MARK3: variants seen among roughly 807,000 people sequenced by gnomAD.
The protein encoded by MARK3 is MAP/microtubule affinity-regulating kinase 3.
A neutral mutation model predicts 90.1 loss-of-function variants in MARK3; 46 were observed. The observed-to-expected ratio is 0.51, with a 90% CI of 0.40 to 0.65. MARK3 has a LOEUF of 0.65. MARK3 is among the 30% of genes least tolerant of loss of function. The pLI, the probability that MARK3 is intolerant of heterozygous loss-of-function variation, is 0.00. For missense variants in MARK3, 818 were observed against 947.2 expected (o/e 0.86, Z 1.79); for synonymous variants, 321 against 332.6 (o/e 0.97, Z 0.38).
rs975191098 is a variant in MARK3 at position 103,457,031 on chromosome 14, T to C, written c.413-111T>C. The C allele has an allele frequency of 9.7e-6, 6 of 616,094 alleles. No homozygotes were observed. The Admixed American group carries it at 1.1e-4, about 12-fold the overall frequency. 38.2% of individuals were successfully genotyped at this position (616,094 alleles called of 1,614,324 possible). ...AAATTCCACATATTTCTGGCTAACT[T>C]TATATCTATATTTAAAAATTAGAGC... On this transcript the variant is annotated intron_variant, in intron 5 of 17. Transcript: ENST00000429436.
At chr14:103,461,759 G>C (rs1370717240) in intron 6 of MARK3, among the ~76,000 whole-genome samples, 1 of 152,084 alleles carries the variant, frequency 6.6e-6, no homozygotes, top group South Asian at 2.1e-4. Context: ...GCACCAGGCC[G>C]GGCGCAGTGG....
intron 3 of MARK3, among the ~76,000 whole-genome samples, chr14:103,431,982 C>G (rs530078689): frequency 0.016 from 2,392 of 151,066 alleles, 38 homozygotes; most frequent in South Asian, 0.045. Context: ...TGTTTCCCCC[C>G]TCCCACCTGA....
chr14:103,412,067 T>C (rs1015499554), intron 2 of MARK3: 1 of 484,776 alleles, frequency 2.1e-6, no homozygotes, highest in Non-Finnish European at 3.3e-6. Flanking sequence ...TTAGTTGGTT[T>C]TTTGTTTTTT....
In MARK3 at chr14:103,503,303, T is replaced by C. The variant is rs1444937307; in HGVS notation, c.*76T>C. 1.6e-6 allele frequency: 2 copies of C among 1,251,166 alleles called. No homozygotes were observed. The highest frequency in any genetic ancestry group is 2.2e-6 in the Non-Finnish European group (2 of 893,114). The allele number at this position is 1,251,166 out of a possible 1,614,324, so 77.5% of individuals were successfully genotyped here. A position where few individuals can be genotyped will look rare whatever the true frequency, so the allele number is the denominator to read the frequency against. On this transcript the variant is annotated 3_prime_UTR_variant, in exon 18 of 18. Coordinates refer to ENST00000429436, the MANE Select transcript of MARK3 (RefSeq NM_001128918.3). ...ACTGATGGAAATGTATAGAATAATA[T>C]TTAGGCAATAACGTCTGCATCTTCT...
intron 9 of MARK3, 66 bp downstream of exon 9, chr14:103,466,157 T>C (rs2093498405): frequency 6.4e-7 from 1 of 1,562,520 alleles, no homozygotes; most frequent in Non-Finnish European, 8.7e-7. Flanking sequence ...AGATCTTTGC[T>C]TGATTTGTAT....
intron 1 of MARK3, among the ~76,000 whole-genome samples, chr14:103,394,910 G>A (rs2090482763): frequency 1.3e-5 from 2 of 152,092 alleles, no homozygotes; most frequent in South Asian, 4.1e-4. Context: ...AGCCTCCCGA[G>A]TAGCTGGGAT....
chr14:103,445,673 T>G (rs1432301599), intron 3 of MARK3, among the ~76,000 whole-genome samples: 1 of 152,254 alleles, frequency 6.6e-6, no homozygotes, highest in Non-Finnish European at 1.5e-5. Context: ...AGTTATCCAC[T>G]GCTGCCTAAC....
chr14:103,407,554 C>CTTTTTTTTTTTTTT (rs71460673), intron 2 of MARK3, among the ~76,000 whole-genome samples: 1 of 71,664 alleles, frequency 1.4e-5, no homozygotes, highest in Non-Finnish European at 2.4e-5. Context: ...TGTTTTGCCT[C>CTTTTTTTTTTTTTT]TTTTTTTTTT....
chr14:103,481,723 G>C (rs1171709693), intron 14 of MARK3, among the ~76,000 whole-genome samples: 2 of 140,482 alleles, frequency 1.4e-5, no homozygotes, highest in Non-Finnish European at 3.1e-5. Context: ...AGCTGGGGTA[G>C]ATAGTTTACA....
rs769167522 is a variant in MARK3, at chr14:103,502,981, C to T, written c.2016C>T (p.Pro672=). 5.0e-6 allele frequency: 8 copies of T among 1,614,092 alleles called. No homozygotes were observed. Among genetic ancestry groups the T allele is most frequent in the African/African-American group, 4.0e-5 (3 of 74,932 alleles). The change falls in exon 18 of 18, where the codon CCC becomes CCT. Residue 672 remains proline (P), a synonymous_variant. Transcript: ENST00000429436. ...WSMKTTSSMD[P]GDMMREIRKV... is the part of the protein sequence containing the mutation. ...TGAAAACCACTAGTTCAATGGATCC[C>T]GGGGACATGATGCGGGAAATCCGCA...
In MARK3 at chr14:103,401,511, A is replaced by G. The variant is rs143651423; in HGVS notation, c.52-3565A>G. Reference sequence around the variant, plus strand: ...ATTGGCTCCGTGGAAACTGATCTCCATGTCCAGGCCAGTTTGGTCTTGTGG... The same window carrying G: ...ATTGGCTCCGTGGAAACTGATCTCCGTGTCCAGGCCAGTTTGGTCTTGTGG... On this transcript the variant is annotated intron_variant, in intron 1 of 17. Coordinates refer to ENST00000429436, the MANE Select transcript of MARK3 (RefSeq NM_001128918.3). 2.7e-3 allele frequency among the ~76,000 whole-genome samples: 413 copies of G among 152,304 alleles called. 1 individual carries two copies. Among genetic ancestry groups the G allele is most frequent in the African/African-American group, 9.5e-3 (395 of 41,558 alleles).
At chr14:103,420,698 TA>T (rs2092175926) in intron 2 of MARK3, among the ~76,000 whole-genome samples, 1 of 152,208 alleles carries the variant, frequency 6.6e-6, no homozygotes, top group African/African-American at 2.4e-5. Flanking sequence ...TTGTGGTTTC[TA>T]TATTTGCAAA....
rs1321559593 is a variant in MARK3 at position 103,500,140 on chromosome 14, C to T, written c.1872-16C>T. 8 of 1,605,696 alleles carry T rather than the reference C, an allele frequency of 5.0e-6. No individual in the cohort carries two copies. Among genetic ancestry groups the T allele is most frequent in the Non-Finnish European group, 6.8e-6 (8 of 1,173,488 alleles). ...TCTTTCCCTCTTCTCTCTGCTTCTA[C>T]ATTCTGTTCATTGAGGCTTCCAACT... On this transcript the variant is annotated splice_polypyrimidine_tract_variant and intron_variant, in intron 16 of 17. Transcript: ENST00000429436.
intron 2 of MARK3, among the ~76,000 whole-genome samples, chr14:103,419,575 C>G (rs976378058): frequency 4.6e-5 from 7 of 152,120 alleles, no homozygotes; most frequent in African/African-American, 1.4e-4. Flanking sequence ...CCTGTGTCTG[C>G]TCTGCATTCA....
At chr14:103,486,169 T>A (rs2093925575) in intron 14 of MARK3, among the ~76,000 whole-genome samples, 1 of 152,094 alleles carries the variant, frequency 6.6e-6, no homozygotes, top group African/African-American at 2.4e-5. Flanking sequence ...CCAGGCACAG[T>A]GCCTCACACC....
At position 103,468,121 on chromosome 14, in the gene MARK3, C is replaced by G. The variant is rs368291904; in HGVS notation, c.1199C>G (p.Ser400Cys). ...SSDLNNSTGQSPHHKVQRSVS... is the reference protein window; with the variant it reads ...SSDLNNSTGQCPHHKVQRSVS... ...GATCTCAACAACAGTACTGGCCAGT[C>G]TCCTCACCACAAAGTGCAGAGAAGT... The change falls in exon 12 of 18, where the codon TCT (serine) becomes TGT (cysteine). Residue 400 changes from serine to cysteine, a missense_variant. Coordinates refer to ENST00000429436, the MANE Select transcript of MARK3 (RefSeq NM_001128918.3). 4.3e-6 allele frequency: 7 copies of G among 1,613,806 alleles called. No homozygotes were observed. The highest frequency in any genetic ancestry group is 4.2e-6 in the Non-Finnish European group (5 of 1,179,962).
chr14:103,391,834 A>G (rs1364259993), intron 1 of MARK3, among the ~76,000 whole-genome samples: 5 of 150,840 alleles, frequency 3.3e-5, no homozygotes, highest in Non-Finnish European at 1.5e-5. Flanking sequence ...CTGGGATTAC[A>G]GGCGTGAGCC....
At chr14:103,453,254 G>T (rs1307002170) in intron 5 of MARK3, among the ~76,000 whole-genome samples, 1 of 152,172 alleles carries the variant, frequency 6.6e-6, no homozygotes, top group East Asian at 1.9e-4. Context: ...TCTGTGAAGG[G>T]CAGAAGCTTT....
At chr14:103,489,481 C>G (rs2093982714) in intron 14 of MARK3, 1 of 152,262 alleles carries the variant, frequency 6.6e-6, no homozygotes, top group African/African-American at 2.4e-5. Context: ...TTAAGAAGTT[C>G]TCAGCTGTAA....
Sources: allele counts gnomAD v4.1 joint callset (sites outside exome capture counted in the v4.1 genomes callset), GRCh38; gene constraint gnomAD v4.1.1; transcripts MANE v1.5; gene names NCBI Gene and HGNC (gene_info 2026-07-23, HGNC 2026-07-21).